Variants in TMC7 observed in about 807,000 individuals in gnomAD.
TMC7 encodes transmembrane channel like 7, also known as transmembrane channel-like protein 7.
A neutral mutation model predicts 82.9 loss-of-function variants in TMC7; 54 were observed. That is an observed-to-expected ratio of 0.65 (90% CI 0.52 to 0.82). TMC7 has a LOEUF of 0.82. TMC7 is among the 40% of genes least tolerant of loss of function. The probability of loss-of-function intolerance (pLI) is 0.00; values close to 1 mark genes in which losing one functional copy is unlikely to be tolerated. For missense variants in TMC7, 820 were observed against 901.2 expected (o/e 0.91, Z 1.15); for synonymous variants, 350 against 337.9 (o/e 1.04, Z -0.39).
At chr16:19,013,215 ATTATTTTATTTAT>A (rs1023266396) in intron 2 of TMC7, among the ~76,000 whole-genome samples, 3 of 151,806 alleles carry the variant, frequency 2.0e-5, no homozygotes, top group Non-Finnish European at 4.4e-5. Flanking sequence ...AATTATTATT[ATTATTTTATTTAT>A]TTATTTTTAG....
chr16:19,014,465 T>C (rs1348510382), intron 2 of TMC7, among the ~76,000 whole-genome samples: 2 of 152,120 alleles, frequency 1.3e-5, no homozygotes, highest in Admixed American at 6.6e-5. Flanking sequence ...GGATGGAAGG[T>C]TCAAGTCCTT....
intron 1 of TMC7, among the ~76,000 whole-genome samples, chr16:19,005,056 TTTTATTTA>T (rs141697169): frequency 0.019 from 2,758 of 144,180 alleles, 39 homozygotes; most frequent in African/African-American, 0.039. Flanking sequence ...AAATACTTTA[TTTTATTTA>T]TTTATTTATT....
intron 1 of TMC7, among the ~76,000 whole-genome samples, chr16:18,986,390 G>GAAA (rs1248730083): frequency 2.7e-5 from 2 of 73,124 alleles, no homozygotes; most frequent in African/African-American, 1.0e-4. Context: ...GACTCTGTCT[G>GAAA]AAAAAAAAAA....
chr16:19,021,602 A>G, intron 3 of TMC7, 27 bp from the exon 4 acceptor site: 2 of 1,612,800 alleles, frequency 1.2e-6, no homozygotes, highest in Non-Finnish European at 1.7e-6. Context: ...ATCCCTGGTC[A>G]GTGATGTCCG....
At chr16:18,995,433 C>T (rs1465684448) in intron 1 of TMC7, among the ~76,000 whole-genome samples, 1 of 152,184 alleles carries the variant, frequency 6.6e-6, no homozygotes, top group Non-Finnish European at 1.5e-5. Context: ...AATCAGTCAG[C>T]GAGCCTTGGG....
intron 5 of TMC7, among the ~76,000 whole-genome samples, chr16:19,027,007 C>T (rs554408370): frequency 1.3e-5 from 2 of 149,852 alleles, no homozygotes; most frequent in East Asian, 2.0e-4. Flanking sequence ...AGTGATCCAC[C>T]CACCTCGGCC....
chr16:19,035,188 A>G (rs1017523842), intron 6 of TMC7, among the ~76,000 whole-genome samples: 5 of 152,176 alleles, frequency 3.3e-5, no homozygotes, highest in African/African-American at 1.2e-4. Context: ...AAAACCAAAC[A>G]CCGCATGTTC....
At chr16:19,034,049 A>G (rs1455572832) in intron 6 of TMC7, among the ~76,000 whole-genome samples, 2 of 152,182 alleles carry the variant, frequency 1.3e-5, no homozygotes, top group Non-Finnish European at 2.9e-5. Flanking sequence ...CCATGAAAGC[A>G]TTTGAATGAA....
At chr16:18,989,283 G>A (rs1479246379) in intron 1 of TMC7, among the ~76,000 whole-genome samples, 2 of 152,114 alleles carry the variant, frequency 1.3e-5, no homozygotes, top group South Asian at 2.1e-4. Flanking sequence ...TTTGCAGGCT[G>A]GATTCGTTCT....
intron 1 of TMC7, among the ~76,000 whole-genome samples, chr16:18,988,963 T>C (rs2038901234): frequency 6.6e-6 from 1 of 150,926 alleles, no homozygotes; most frequent in Non-Finnish European, 1.5e-5. Context: ...GGCAGGAGAA[T>C]GGCTTGATCC....
At chr16:19,047,311 A>G in intron 12 of TMC7, 62 bp downstream of exon 12, 2 of 1,480,646 alleles carry the variant, frequency 1.4e-6, no homozygotes, top group Non-Finnish European at 1.9e-6. Flanking sequence ...CCAGGGCACC[A>G]ATATGTCTGG....
rs775850789 is a variant in TMC7, at chr16:19,061,839, A to G, written c.2168A>G (p.Asn723Ser). The G allele has an allele frequency of 5.0e-6, 8 of 1,613,470 alleles. No homozygotes were observed. Among genetic ancestry groups the G allele is most frequent in the Non-Finnish European group, 6.8e-6 (8 of 1,179,634 alleles). ...KLTEAQRDMRN is the reference protein window; with the variant it reads ...KLTEAQRDMRS ...ACAGAAGCCCAAAGGGACATGAGGA[A>G]CTAACTAGACTGAGCGTGAAGATGG... The change falls in exon 16 of 16, where the codon AAC becomes AGC. Residue 723 changes from asparagine to serine, a missense_variant. Transcript: ENST00000304381.
intron 1 of TMC7, among the ~76,000 whole-genome samples, chr16:19,006,526 G>C (rs1567506109): frequency 6.6e-6 from 1 of 152,084 alleles, no homozygotes; most frequent in Non-Finnish European, 1.5e-5. Context: ...AACATCCCAA[G>C]GTCCTGCCAC....
chr16:19,027,061 CTTTTTTT>C (rs35769515), intron 5 of TMC7, among the ~76,000 whole-genome samples: 4 of 56,564 alleles, frequency 7.1e-5, no homozygotes, highest in African/African-American at 1.5e-4. Context: ...CACACCTGAC[CTTTTTTT>C]TTTTTTTTTT....
chr16:19,004,972 G>A (rs902709822), intron 1 of TMC7, among the ~76,000 whole-genome samples: 4 of 151,896 alleles, frequency 2.6e-5, no homozygotes, highest in African/African-American at 9.7e-5. Flanking sequence ...CAAAGTAGCT[G>A]AGACCACACC....
Position 18,984,052 on chromosome 16 carries a change from C to A in TMC7, c.-12C>A. The A allele has an allele frequency of 6.8e-7, 1 of 1,473,774 alleles. No individual in the cohort carries two copies. Among genetic ancestry groups the A allele is most frequent in the Non-Finnish European group, 8.9e-7 (1 of 1,119,986 alleles). 91.3% of individuals were successfully genotyped at this position (1,473,774 alleles called of 1,614,324 possible). ...GGTCCTCGGCAGCCTCTGAGGAGCG[C>A]GGGGCGCGGCCATGAGCGAGTCCAG... On this transcript the variant is annotated 5_prime_UTR_variant, in exon 1 of 16. Coordinates refer to ENST00000304381, the MANE Select transcript of TMC7 (RefSeq NM_024847.4).
Position 18,984,118 on chromosome 16 carries a change from G to T in TMC7, c.55G>T (p.Ala19Ser). ...GCCCGGCAGGCCCAGCCGGCAGCCG[G>T]CGGTCCATCCAGGTAGGGCGGCAGG... Reference protein sequence around the residue: ...LQPGRPSRQPAVHPENLSLDS... With the variant: ...LQPGRPSRQPSVHPENLSLDS... Residue 19 changes from alanine (A) to serine (S), a missense_variant, in exon 1 of 16, where the codon GCG becomes TCG. Ala to Ser is a moderately conservative substitution (Grantham distance 99). Transcript: ENST00000304381. The T allele has an allele frequency of 6.7e-7, 1 of 1,503,254 alleles. No individual in the cohort carries two copies. Among genetic ancestry groups the T allele is most frequent in the Non-Finnish European group, 8.8e-7 (1 of 1,134,028 alleles). 93.1% of individuals were successfully genotyped at this position (1,503,254 alleles called of 1,614,324 possible).
At chr16:19,002,443 G>A (rs991913793) in intron 1 of TMC7, among the ~76,000 whole-genome samples, 2 of 151,984 alleles carry the variant, frequency 1.3e-5, no homozygotes, top group Non-Finnish European at 2.9e-5. Context: ...CACCATGTTG[G>A]TCAGTCTGGT....
chr16:19,049,268 C>G, intron 12 of TMC7, among the ~76,000 whole-genome samples: 1 of 152,154 alleles, frequency 6.6e-6, no homozygotes, highest in East Asian at 1.9e-4. Flanking sequence ...AAGTGATCTG[C>G]CTGCCTTGGC....
Sources: allele counts gnomAD v4.1 joint callset (sites outside exome capture counted in the v4.1 genomes callset), GRCh38; gene constraint gnomAD v4.1.1; transcripts MANE v1.5; gene names NCBI Gene and HGNC (gene_info 2026-07-23, HGNC 2026-07-21).